FGF21: variants seen among roughly 807,000 people sequenced by gnomAD.
The protein encoded by FGF21 is fibroblast growth factor 21.
In FGF21, 13 loss-of-function variants were observed where a neutral mutation model predicts 13.4. The ratio of observed to expected loss-of-function variants is 0.97; its 90% CI spans 0.63 to 1.54. The LOEUF (loss-of-function observed/expected upper bound fraction) is 1.54. Among genes scored for constraint, FGF21 ranks in the 40% most tolerant of loss-of-function variants. The pLI is 0.00. For missense variants in FGF21, 303 were observed against 272.4 expected, an observed-to-expected ratio of 1.11 and a Z score of -0.79; for synonymous variants, 124 against 123.6, an observed-to-expected ratio of 1.00 and a Z score of -0.02.
intron 2 of FGF21, 96 bp from the exon 3 acceptor site, chr19:48,756,830 G>C: frequency 2.0e-6 from 2 of 1,004,564 alleles, no homozygotes; most frequent in Non-Finnish European, 3.1e-6. Flanking sequence ...GGACTCCCAG[G>C]GCTGGGACAG....
intron 3 of FGF21, among the ~76,000 whole-genome samples, chr19:48,757,682 TGGAACCCC>T (rs2034130645): frequency 7.2e-6 from 1 of 139,222 alleles, no homozygotes; most frequent in African/African-American, 2.7e-5. Context: ...GGCTGGGGCC[TGGAACCCC>T]GGGTCTGAGG....
Position 48,757,975 on chromosome 19 carries a change from G to C in FGF21, c.385G>C (p.Glu129Gln). The change falls in exon 4 of 4, where the codon GAG becomes CAG. Residue 129 changes from glutamate to glutamine, a missense_variant. Physicochemically the swap from Glu to Gln is conservative, Grantham distance 29. Transcript: ENST00000593756. ...CTGCAGCTTCCGGGAGCTGCTTCTTGAGGACGGATACAATGTTTACCAGTC... is the reference window on the plus strand; with the variant it reads ...CTGCAGCTTCCGGGAGCTGCTTCTTCAGGACGGATACAATGTTTACCAGTC... ...EACSFRELLL[E>Q]DGYNVYQSEA... 6.2e-7 allele frequency: 1 copy of C among 1,600,470 alleles called. No individual in the cohort carries two copies. Among genetic ancestry groups the C allele is most frequent in the Non-Finnish European group, 8.5e-7 (1 of 1,173,134 alleles).
Position 48,757,855 on chromosome 19 carries a change from G to T in FGF21, c.340-75G>T, listed in dbSNP as rs1022975787. The stretch of plus-strand genomic sequence containing the variant: ...GACCCCTGGGTCTGAGGGAGGCAGG[G>T]CTGGGGCCTGGATCCTGGGTCTTAC... On this transcript the variant is annotated intron_variant, in intron 3 of 3. Transcript: ENST00000593756. 5.6e-6 allele frequency: 8 copies of T among 1,420,960 alleles called. No individual in the cohort carries two copies. In the Admixed American group the frequency reaches 1.9e-4, roughly 34 times the overall value. The allele number at this position is 1,420,960 out of a possible 1,614,324, so 88.0% of individuals were successfully genotyped here. A position where few individuals can be genotyped will look rare whatever the true frequency, so the allele number is the denominator to read the frequency against.
At position 48,758,238 on chromosome 19, in the gene FGF21, T is replaced by G; in HGVS notation, c.*18T>G. On this transcript the variant is annotated 3_prime_UTR_variant, in exon 4 of 4. Coordinates refer to ENST00000593756, the MANE Select transcript of FGF21 (RefSeq NM_019113.4). The stretch of plus-strand genomic sequence containing the variant: ...CTTCCTGAAGCCAGAGGCTGTTTAC[T>G]ATGACATCTCCTCTTTATTTATTAG... 1 of 1,579,144 alleles carries G rather than the reference T, an allele frequency of 6.3e-7. No individual in the cohort carries two copies. Among genetic ancestry groups the G allele is most frequent in the East Asian group, 2.3e-5 (1 of 44,370 alleles).
At position 48,758,071 on chromosome 19, in the gene FGF21, C is replaced by T. The variant is rs2122582489; in HGVS notation, c.481C>T (p.Pro161Ser). 4 of 1,612,856 alleles carry T rather than the reference C, an allele frequency of 2.5e-6. No homozygotes were observed. The East Asian group carries it at 8.9e-5, about 36-fold the overall frequency. Reference sequence around the variant, plus strand: ...ACACCGGGACCCTGCACCCCGAGGACCAGCTCGCTTCCTGCCACTACCAGG... The same window carrying T: ...ACACCGGGACCCTGCACCCCGAGGATCAGCTCGCTTCCTGCCACTACCAGG... ...SPHRDPAPRG[P>S]ARFLPLPGLP... The change falls in exon 4 of 4, where the codon CCA becomes TCA. Residue 161 changes from proline to serine, a missense_variant. By Grantham distance (74) the Pro-to-Ser change is moderately conservative (BLOSUM62 -1). Transcript: ENST00000593756.
intron 3 of FGF21, among the ~76,000 whole-genome samples, chr19:48,757,519 T>TA (rs993524098): frequency 8.6e-5 from 13 of 151,584 alleles, no homozygotes; most frequent in African/African-American, 2.4e-4. Flanking sequence ...AGCCCTGGGG[T>TA]AAAAAACAAA....
At chr19:48,757,193 G>A (rs565596910) in intron 3 of FGF21, among the ~76,000 whole-genome samples, 164 bp downstream of exon 3, 1 of 152,344 alleles carries the variant, frequency 6.6e-6, no homozygotes, top group South Asian at 2.1e-4. Context: ...TGTCATCAGT[G>A]TTTGCAAGAT....
rs979473023 is a variant in FGF21, at chr19:48,757,914, T to G, written c.340-16T>G. The G allele has an allele frequency of 1.3e-6, 2 of 1,527,814 alleles. No homozygotes were observed. Among genetic ancestry groups the G allele is most frequent in the Non-Finnish European group, 8.8e-7 (1 of 1,137,574 alleles). 94.6% of individuals were successfully genotyped at this position (1,527,814 alleles called of 1,614,324 possible). On this transcript the variant is annotated splice_polypyrimidine_tract_variant and intron_variant, in intron 3 of 3. Transcript: ENST00000593756. ...AACAGAGGAACCCTGTCTCTGATCC[T>G]GTTTTTGTCCCCTAGCTCCACTTTG...
intron 3 of FGF21, 58 bp downstream of exon 3, chr19:48,757,087 C>G: frequency 7.4e-7 from 1 of 1,356,046 alleles, no homozygotes; most frequent in Non-Finnish European, 1.1e-6. Context: ...GTCGCCCTCA[C>G]AGCCTGGGGT....
chr19:48,757,153 C>T (rs377580782), intron 3 of FGF21, 124 bp downstream of exon 3: 5 of 692,620 alleles, frequency 7.2e-6, no homozygotes, highest in East Asian at 5.2e-5. Flanking sequence ...GCTCTGCACG[C>T]CCCCAGCTGC....
intron 2 of FGF21, among the ~76,000 whole-genome samples, 158 bp from the exon 3 acceptor site, chr19:48,756,768 G>A (rs1324492327): frequency 6.6e-6 from 1 of 151,830 alleles, no homozygotes; most frequent in Non-Finnish European, 1.5e-5. Context: ...TTGGGAGGGG[G>A]CTTTGGCTTG....
Position 48,756,490 on chromosome 19 carries a change from C to G in FGF21, c.235+19C>G. The stretch of plus-strand genomic sequence containing the variant: ...CCCGAAAGTGAGTGTGGGCCAGAGC[C>G]TGGGTCTGAGGGAGGAGGGGCTGTG... On this transcript the variant is annotated intron_variant, in intron 2 of 3. Transcript: ENST00000593756. The G allele has an allele frequency of 2.5e-6, 4 of 1,603,720 alleles. No individual in the cohort carries two copies. Among genetic ancestry groups the G allele is most frequent in the South Asian group, 2.2e-5 (2 of 90,120 alleles).
chr19:48,757,224 C>T (rs539450539), intron 3 of FGF21, among the ~76,000 whole-genome samples, 195 bp downstream of exon 3: 5 of 152,338 alleles, frequency 3.3e-5, no homozygotes, highest in Admixed American at 6.5e-5. Context: ...AGGCCCAGGC[C>T]GGGGCGCCAG....
intron 2 of FGF21, among the ~76,000 whole-genome samples, 162 bp downstream of exon 2, chr19:48,756,633 G>A (rs1324806805): frequency 2.1e-5 from 3 of 140,244 alleles, no homozygotes; most frequent in African/African-American, 7.8e-5. Context: ...TGGGGATCTG[G>A]GCCCCTGGGT....
At chr19:48,757,280 C>G (rs1391478545) in intron 3 of FGF21, among the ~76,000 whole-genome samples, 1 of 152,194 alleles carries the variant, frequency 6.6e-6, no homozygotes, top group Admixed American at 6.5e-5. Context: ...GCCTGAGGCT[C>G]AGGTTATTGG....
At position 48,758,213 on chromosome 19, in the gene FGF21, C is replaced by A. The variant is rs759663403; in HGVS notation, c.623C>A (p.Ala208Asp). 1.2e-5 allele frequency: 20 copies of A among 1,605,272 alleles called. No individual in the cohort carries two copies. Among genetic ancestry groups the A allele is most frequent in the Admixed American group, 1.7e-5 (1 of 57,816 alleles). The change falls in exon 4 of 4, where the codon GCT (alanine) becomes GAT (aspartate). Residue 208 changes from alanine to aspartate, a missense_variant. Ala to Asp is a moderately radical substitution (Grantham distance 126, BLOSUM62 -2). Coordinates refer to ENST00000593756, the MANE Select transcript of FGF21 (RefSeq NM_019113.4). ...GPSQGRSPSY[A>D]S The stretch of plus-strand genomic sequence containing the variant: ...TCCCAGGGCCGAAGCCCCAGCTACG[C>A]TTCCTGAAGCCAGAGGCTGTTTACT...
Position 48,758,115 on chromosome 19 carries a change from G to A in FGF21, c.525G>A (p.Pro175=), listed in dbSNP as rs368200691. The A allele has an allele frequency of 1.7e-4, 267 of 1,608,750 alleles. No individual in the cohort carries two copies. In the African/African-American group the frequency reaches 2.5e-3, roughly 15 times the overall value. ...LPLPGLPPAL[P]EPPGILAPQP... ...TACCAGGCCTGCCCCCCGCACTCCC[G>A]GAGCCACCCGGAATCCTGGCCCCCC... Residue 175 remains proline, a synonymous_variant, in exon 4 of 4, where the codon CCG becomes CCA. Coordinates refer to ENST00000593756, the MANE Select transcript of FGF21 (RefSeq NM_019113.4).
chr19:48,758,098 C>G lies in FGF21; in HGVS notation c.508C>G (p.Leu170Val), dbSNP rs559156552. Residue 170 changes from leucine (L) to valine (V), a missense_variant, in exon 4 of 4, where the codon CTG becomes GTG. Coordinates refer to ENST00000593756, the MANE Select transcript of FGF21 (RefSeq NM_019113.4). ...AGCTCGCTTCCTGCCACTACCAGGC[C>G]TGCCCCCCGCACTCCCGGAGCCACC... ...GPARFLPLPG[L>V]PPALPEPPGI... is the part of the protein sequence containing the mutation. 164 of 1,611,972 alleles carry G rather than the reference C, an allele frequency of 1.0e-4. No individual in the cohort carries two copies. Among genetic ancestry groups the G allele is most frequent in the Non-Finnish European group, 1.3e-4 (155 of 1,179,386 alleles).
In FGF21 at chr19:48,758,241, G is replaced by A. The variant is rs1455246533; in HGVS notation, c.*21G>A. 2 of 1,571,640 alleles carry A rather than the reference G, an allele frequency of 1.3e-6. No individual in the cohort carries two copies. The highest frequency in any genetic ancestry group is 1.7e-6 in the Non-Finnish European group (2 of 1,166,272). ...CCTGAAGCCAGAGGCTGTTTACTAT[G>A]ACATCTCCTCTTTATTTATTAGGTT... On this transcript the variant is annotated 3_prime_UTR_variant, in exon 4 of 4. Transcript: ENST00000593756.
Sources: gnomAD v4.1 joint callset for allele counts (sites outside exome capture counted in the v4.1 genomes callset) on GRCh38, gnomAD v4.1.1 for gene constraint, MANE v1.5 for transcripts, NCBI Gene and HGNC (gene_info 2026-07-23, HGNC 2026-07-21) for gene names.